The following CFAP221 variants were observed in gnomAD, a reference collection of about 807,000 sequenced individuals.
CFAP221 encodes the protein cilia and flagella associated protein 221, also known as cilia- and flagella-associated protein 221.
Under a neutral mutation model 113.1 loss-of-function variants are expected in CFAP221, and 97 were observed. That is an observed-to-expected ratio of 0.86 (90% CI 0.73 to 1.02). CFAP221 has a LOEUF of 1.02. Ranked by LOEUF, CFAP221 falls within the 50% of genes least tolerant of loss-of-function variation. The probability of loss-of-function intolerance (pLI) is 0.00; values close to 1 mark genes in which losing one functional copy is unlikely to be tolerated. For missense variants in CFAP221, 1,025 were observed against 1,013.4 expected (o/e 1.01, Z -0.16); for synonymous variants, 331 against 354.4 (o/e 0.93, Z 0.74).
chr2:119,595,927 C>CAGGGCTGCAAGGCTGCA (rs1166133440), intron 7 of CFAP221, among the ~76,000 whole-genome samples: 5 of 151,882 alleles, frequency 3.3e-5, no homozygotes, highest in Admixed American at 6.6e-5. Flanking sequence ...AAGGCTGGAA[C>CAGGGCTGCAAGGCTGCA]AGGCTCGGCA....
At chr2:119,634,543 C>G (rs1038075756) in intron 19 of CFAP221, among the ~76,000 whole-genome samples, 14 of 152,036 alleles carry the variant, frequency 9.2e-5, no homozygotes, top group Admixed American at 7.9e-4. Context: ...GCACTATTCA[C>G]AATAGCTAAG....
At chr2:119,561,117 C>T (rs1449825663) in intron 5 of CFAP221, among the ~76,000 whole-genome samples, 4 of 151,904 alleles carry the variant, frequency 2.6e-5, no homozygotes, top group African/African-American at 9.7e-5. Flanking sequence ...GGTGAAACCC[C>T]ATCTCTACTA....
intron 12 of CFAP221, among the ~76,000 whole-genome samples, chr2:119,610,199 T>A (rs1232739138): frequency 6.6e-6 from 1 of 152,190 alleles, no homozygotes; most frequent in Admixed American, 6.5e-5. Context: ...ATCCTTAGCA[T>A]GGCTCCTGGG....
chr2:119,620,415 G>A (rs959545235), intron 14 of CFAP221, among the ~76,000 whole-genome samples: 5 of 152,212 alleles, frequency 3.3e-5, no homozygotes, highest in African/African-American at 7.2e-5. Context: ...CTACAAGACC[G>A]AAGAGAGTGG....
At chr2:119,600,554 A>G (rs1684293165) in intron 7 of CFAP221, among the ~76,000 whole-genome samples, 1 of 152,222 alleles carries the variant, frequency 6.6e-6, no homozygotes, top group Non-Finnish European at 1.5e-5. Flanking sequence ...TAATATAGTA[A>G]TTAATAAATA....
intron 19 of CFAP221, 65 bp from the exon 20 acceptor site, chr2:119,638,194 C>A: frequency 6.5e-7 from 1 of 1,541,776 alleles, no homozygotes; most frequent in Non-Finnish European, 8.9e-7. Flanking sequence ...TTAGCTGATG[C>A]CTGTCCTATG....
chr2:119,658,188 G>A (rs139757185), downstream of CFAP221, among the ~76,000 whole-genome samples: 19 of 152,246 alleles, frequency 1.2e-4, no homozygotes, highest in South Asian at 6.2e-4. Flanking sequence ...GTCCCTCACC[G>A]TCATTTAGTT....
intron 4 of CFAP221, 66 bp from the exon 5 acceptor site, chr2:119,559,862 T>G: frequency 2.7e-6 from 4 of 1,477,942 alleles, no homozygotes; most frequent in Non-Finnish European, 3.7e-6. Flanking sequence ...TGGTGTGTTG[T>G]CACCCCCGGT....
chr2:119,659,084 CT>C (rs1261481982), downstream of CFAP221, among the ~76,000 whole-genome samples: 1 of 151,914 alleles, frequency 6.6e-6, no homozygotes, highest in African/African-American at 2.4e-5. Context: ...GGCCTTCCTC[CT>C]TTCCTTAATT....
At chr2:119,549,866 G>C (rs1680300717) in intron 3 of CFAP221, among the ~76,000 whole-genome samples, 2 of 152,238 alleles carry the variant, frequency 1.3e-5, no homozygotes. Context: ...AGCAACTGCT[G>C]TTTAGCACAG....
chr2:119,625,211 G>A (rs528683789), intron 14 of CFAP221, among the ~76,000 whole-genome samples: 5 of 152,238 alleles, frequency 3.3e-5, no homozygotes, highest in East Asian at 1.9e-4. Flanking sequence ...AGAATCACCC[G>A]TGCCATTTGT....
chr2:119,555,021 T>C (rs1558907558), intron 3 of CFAP221, among the ~76,000 whole-genome samples: 1 of 152,018 alleles, frequency 6.6e-6, no homozygotes, highest in Non-Finnish European at 1.5e-5. Context: ...GAGAATAGAC[T>C]CCCCCAAGGA....
chr2:119,547,266 AATC>A (rs1434726307), intron 2 of CFAP221, among the ~76,000 whole-genome samples: 5 of 152,354 alleles, frequency 3.3e-5, no homozygotes, highest in African/African-American at 1.2e-4. Flanking sequence ...ACATTAAAAA[AATC>A]ATAGAATAGG....
rs570477092 is a variant in CFAP221 at position 119,620,165 on chromosome 2, C to T, written c.1410+4456C>T. The stretch of plus-strand genomic sequence containing the variant: ...GAATGGAACCAAGTTGGAAAACACT[C>T]TTCAGGATATTATCCAGGAGAACTT... On this transcript the variant is annotated intron_variant, in intron 14 of 23. Coordinates refer to ENST00000413369, the MANE Select transcript of CFAP221 (RefSeq NM_001271049.2). Among the ~76,000 whole-genome samples the T allele has an allele frequency of 1.7e-3, 259 of 152,218 alleles. 1 individual carries two copies. Among genetic ancestry groups the T allele is most frequent in the African/African-American group, 5.7e-3 (237 of 41,514 alleles).
At chr2:119,585,273 A>G (rs553965129) in intron 6 of CFAP221, among the ~76,000 whole-genome samples, 122 of 152,366 alleles carry the variant, frequency 8.0e-4, no homozygotes, top group Admixed American at 4.5e-3. Flanking sequence ...TAATATTACT[A>G]GAATGCATGA....
intron 23 of CFAP221, among the ~76,000 whole-genome samples, chr2:119,654,815 G>A (rs1323646656): frequency 6.6e-6 from 1 of 151,998 alleles, no homozygotes; most frequent in African/African-American, 2.4e-5. Context: ...TTTTGTGAAC[G>A]AAAATTGTCA....
At chr2:119,566,781 C>A (rs992249449) in intron 6 of CFAP221, among the ~76,000 whole-genome samples, 1 of 152,148 alleles carries the variant, frequency 6.6e-6, no homozygotes, top group African/African-American at 2.4e-5. Flanking sequence ...TTGGCTTAAC[C>A]GTCTACTTGT....
intron 20 of CFAP221, 62 bp downstream of exon 20, chr2:119,638,479 A>C (rs1481926595): frequency 6.3e-7 from 1 of 1,588,598 alleles, no homozygotes; most frequent in African/African-American, 1.3e-5. Flanking sequence ...GGCAGGGGAC[A>C]AGGACAGGGT....
At chr2:119,575,630 C>A (rs1361511375) in intron 6 of CFAP221, among the ~76,000 whole-genome samples, 1 of 152,032 alleles carries the variant, frequency 6.6e-6, no homozygotes, top group African/African-American at 2.4e-5. Flanking sequence ...TATAGCATTT[C>A]AGTTTTGCAA....
Sources: allele counts gnomAD v4.1 joint callset (sites outside exome capture counted in the v4.1 genomes callset), GRCh38; gene constraint gnomAD v4.1.1; transcripts MANE v1.5; gene names NCBI Gene and HGNC (gene_info 2026-07-23, HGNC 2026-07-21).